The following IQCJ variants were observed in gnomAD, a reference collection of about 807,000 sequenced individuals.
IQCJ encodes the protein IQ motif containing J.
A neutral mutation model predicts 11.0 loss-of-function variants in IQCJ; 9 were observed. That is an observed-to-expected ratio of 0.82 (90% CI 0.49 to 1.43). The LOEUF (loss-of-function observed/expected upper bound fraction) is 1.43, where lower values mean the gene tolerates loss of function less well. IQCJ is among the 40% of genes most tolerant of loss of function. IQCJ has a pLI of 0.00. For missense variants in IQCJ, 146 were observed against 133.2 expected (o/e 1.10, Z -0.47); for synonymous variants, 55 against 51.3 (o/e 1.07, Z -0.31).
chr3:159,187,120 G>T (rs1723414925), intron 1 of IQCJ, among the ~76,000 whole-genome samples: 1 of 152,136 alleles, frequency 6.6e-6, no homozygotes, highest in Admixed American at 6.6e-5. Flanking sequence ...TTAAATAAAA[G>T]CATTTTCAGC....
chr3:159,171,676 G>C (rs540832636), intron 1 of IQCJ, among the ~76,000 whole-genome samples: 1 of 152,208 alleles, frequency 6.6e-6, no homozygotes, highest in Non-Finnish European at 1.5e-5. Flanking sequence ...CTATTTCTCG[G>C]GCTTCAGTAG....
chr3:159,246,984 G>T (rs1271603650), intron 2 of IQCJ, among the ~76,000 whole-genome samples: 1 of 152,148 alleles, frequency 6.6e-6, no homozygotes, highest in Admixed American at 6.5e-5. Context: ...GGGCAGAAAG[G>T]CATCACACCT....
At chr3:159,113,469 A>G (rs933406095) in intron 1 of IQCJ, among the ~76,000 whole-genome samples, 1 of 152,248 alleles carries the variant, frequency 6.6e-6, no homozygotes, top group Non-Finnish European at 1.5e-5. Context: ...GCCTTGTGAC[A>G]GCGTCTGTCA....
In IQCJ at chr3:159,086,825, A is replaced by G. The variant is rs577276731; in HGVS notation, c.9+17384A>G. Among the ~76,000 whole-genome samples the G allele has an allele frequency of 2.6e-4, 40 of 152,192 alleles. No individual in the cohort carries two copies. In the South Asian group the frequency reaches 4.1e-3, roughly 16 times the overall value. Reference sequence around the variant, plus strand: ...GCTTAAGGAGATTTTGGGCTGAGACAATGGGGTTTTCTAGATATACAATCA... The same window carrying G: ...GCTTAAGGAGATTTTGGGCTGAGACGATGGGGTTTTCTAGATATACAATCA... On this transcript the variant is annotated intron_variant, in intron 1 of 3. Coordinates refer to ENST00000397832, the MANE Select transcript of IQCJ (RefSeq NM_001042706.3).
intron 1 of IQCJ, among the ~76,000 whole-genome samples, chr3:159,236,382 A>C (rs1176964597): frequency 6.6e-6 from 1 of 151,892 alleles, no homozygotes; most frequent in Non-Finnish European, 1.5e-5. Flanking sequence ...TGAGATGACT[A>C]TTAATGCCCA....
intron 1 of IQCJ, among the ~76,000 whole-genome samples, chr3:159,117,091 C>T (rs1719069957): frequency 6.6e-6 from 1 of 152,154 alleles, no homozygotes; most frequent in African/African-American, 2.4e-5. Flanking sequence ...AGAGTAATGT[C>T]TACTTGCTGC....
At chr3:159,122,925 G>A (rs1405930049) in intron 1 of IQCJ, among the ~76,000 whole-genome samples, 9 of 152,070 alleles carry the variant, frequency 5.9e-5, no homozygotes, top group African/African-American at 4.8e-5. Context: ...AATTACTACC[G>A]AGATGAATGG....
rs530582693 is a variant in IQCJ, at chr3:159,108,594, G to T, written c.9+39153G>T. On this transcript the variant is annotated intron_variant, in intron 1 of 3. Coordinates refer to ENST00000397832, the MANE Select transcript of IQCJ (RefSeq NM_001042706.3). ...TACATTGAGCCTCTCTTAAGAAAAA[G>T]ATTCTCAGTTATTTGCATAGATGTA... Among the ~76,000 whole-genome samples the T allele has an allele frequency of 4.5e-4, 69 of 152,266 alleles. No homozygotes were observed. In the South Asian group the frequency reaches 4.6e-3, roughly 10 times the overall value.
At chr3:159,084,249 T>TAAAA (rs3029980) in intron 1 of IQCJ, among the ~76,000 whole-genome samples, 1 of 149,634 alleles carries the variant, frequency 6.7e-6, no homozygotes. Flanking sequence ...TAAAAATAAG[T>TAAAA]AAAAAAAAAA....
intron 1 of IQCJ, among the ~76,000 whole-genome samples, chr3:159,082,722 A>G (rs1004053129): frequency 2.6e-5 from 4 of 152,102 alleles, no homozygotes; most frequent in African/African-American, 4.8e-5. Flanking sequence ...TCATGAGTCA[A>G]TACCCATCTA....
chr3:159,155,164 A>G (rs1247913894), intron 1 of IQCJ, among the ~76,000 whole-genome samples: 1 of 152,040 alleles, frequency 6.6e-6, no homozygotes, highest in Non-Finnish European at 1.5e-5. Flanking sequence ...TTATTTATTT[A>G]TTTATTTATT....
intron 1 of IQCJ, among the ~76,000 whole-genome samples, chr3:159,196,532 A>G (rs1023006504): frequency 3.3e-5 from 5 of 152,202 alleles, no homozygotes; most frequent in African/African-American, 1.2e-4. Flanking sequence ...AGGTGATTAC[A>G]ATATGCAGCC....
chr3:159,245,803 C>A, intron 1 of IQCJ, 40 bp from the exon 2 acceptor site: 1 of 1,480,830 alleles, frequency 6.8e-7, no homozygotes, highest in Non-Finnish European at 9.2e-7. Context: ...TCGGAAGTAG[C>A]TGGTGACAAT....
intron 1 of IQCJ, among the ~76,000 whole-genome samples, chr3:159,095,416 A>G (rs1717665249): frequency 6.8e-6 from 1 of 148,142 alleles, no homozygotes; most frequent in Non-Finnish European, 1.5e-5. Flanking sequence ...CACATTGTGC[A>G]GGTTAGTTAC....
chr3:159,265,917 T>C (rs1025988753), downstream of IQCJ: 2 of 152,870 alleles, frequency 1.3e-5, no homozygotes, highest in African/African-American at 4.8e-5. Flanking sequence ...CTGATAATGA[T>C]GCTTTTGCAT....
At chr3:159,076,597 G>T (rs1048150468) in intron 1 of IQCJ, among the ~76,000 whole-genome samples, 1 of 152,102 alleles carries the variant, frequency 6.6e-6, no homozygotes, top group Admixed American at 6.6e-5. Flanking sequence ...ACATGCCCCA[G>T]TGCACATCCC....
At chr3:159,239,505 A>C (rs1198829481) in intron 1 of IQCJ, among the ~76,000 whole-genome samples, 2 of 152,176 alleles carry the variant, frequency 1.3e-5, no homozygotes, top group African/African-American at 2.4e-5. Context: ...CACATCTTGG[A>C]GAAGAAAGTG....
chr3:159,228,450 T>G (rs1245898735), intron 1 of IQCJ, among the ~76,000 whole-genome samples: 1 of 152,224 alleles, frequency 6.6e-6, no homozygotes. Flanking sequence ...ATTTCACATA[T>G]GAGCAGAATA....
chr3:159,156,722 T>A lies in IQCJ; in HGVS notation c.9+87281T>A, dbSNP rs566547098. On this transcript the variant is annotated intron_variant, in intron 1 of 3. Transcript: ENST00000397832. The stretch of plus-strand genomic sequence containing the variant: ...GTGTAAAGAGACAGAGCTCCAGGTG[T>A]TCCACTTTTGCATACCCTTAAGTTC... Among the ~76,000 whole-genome samples the A allele has an allele frequency of 2.6e-5, 4 of 152,260 alleles. No individual in the cohort carries two copies. The South Asian group carries it at 8.3e-4, about 32-fold the overall frequency.
Sources: allele counts gnomAD v4.1 joint callset (sites outside exome capture counted in the v4.1 genomes callset), GRCh38; gene constraint gnomAD v4.1.1; transcripts MANE v1.5; gene names NCBI Gene and HGNC (gene_info 2026-07-23, HGNC 2026-07-21).